The following AHNAK variants were observed in gnomAD, a reference collection of about 807,000 sequenced individuals.
AHNAK encodes neuroblast differentiation-associated protein AHNAK.
AHNAK carries 23 observed loss-of-function variants against 37.8 expected under a neutral mutation model. The ratio of observed to expected loss-of-function variants is 0.61; its 90% CI spans 0.44 to 0.86. The LOEUF (loss-of-function observed/expected upper bound fraction) is 0.86. Among genes scored for constraint, AHNAK ranks in the 40% least tolerant of loss-of-function variants. The probability of loss-of-function intolerance (pLI) is 0.00; values close to 1 mark genes in which losing one functional copy is unlikely to be tolerated. For synonymous variants in AHNAK, 2,481 were observed against 2,636.3 expected (o/e 0.94, Z 1.80); for missense variants, 7,411 against 7,319.4 (o/e 1.01, Z -0.46).
At chr11:62,441,349 T>C (rs1176713799) in intron 5 of AHNAK, among the ~76,000 whole-genome samples, 1 of 151,972 alleles carries the variant, frequency 6.6e-6, no homozygotes, top group Admixed American at 6.5e-5. Context: ...CGTGTACACC[T>C]GTGATCCCAG....
At chr11:62,471,650 A>G (rs1461234479) in intron 5 of AHNAK, among the ~76,000 whole-genome samples, 1 of 152,170 alleles carries the variant, frequency 6.6e-6, no homozygotes. Context: ...CTCAACCTGC[A>G]CTATCACTGT....
In AHNAK at chr11:62,516,289, C is replaced by A. The variant is rs1381119848; in HGVS notation, c.*455G>T. On this transcript the variant is annotated 3_prime_UTR_variant, in exon 5 of 5. Coordinates refer to ENST00000378024, the MANE Select transcript of AHNAK (RefSeq NM_001620.3). ...TTTGCTGTTTGAACAGATCCAGTCT[C>A]AGGAAAGAGGAAGACCTGACCTCCG... 2 of 1,289,346 alleles carry A rather than the reference C, an allele frequency of 1.6e-6. No individual in the cohort carries two copies. The highest frequency in any genetic ancestry group is 2.5e-5 in the South Asian group (2 of 81,022). 79.9% of individuals were successfully genotyped at this position (1,289,346 alleles called of 1,614,324 possible).
intron 5 of AHNAK, among the ~76,000 whole-genome samples, chr11:62,449,022 T>C (rs1403230811): frequency 6.6e-6 from 1 of 152,064 alleles, no homozygotes; most frequent in Non-Finnish European, 1.5e-5. Flanking sequence ...GAGCCGAGAC[T>C]GCGCCACTGC....
rs531205216 is a variant in AHNAK, at chr11:62,484,585, A to T, written c.442+7147T>A. 1.3e-4 allele frequency among the ~76,000 whole-genome samples: 20 copies of T among 152,248 alleles called. No homozygotes were observed. In the South Asian group the frequency reaches 4.1e-3, roughly 32 times the overall value. On this transcript the variant is annotated intron_variant, in intron 5 of 5. Transcript: ENST00000257247. Reference sequence around the variant, plus strand: ...GGATGGAAGCTTGGCTGCCAGATCAAGGAACAGCAAGGAGCCCCTGTGGCC... The same window carrying T: ...GGATGGAAGCTTGGCTGCCAGATCATGGAACAGCAAGGAGCCCCTGTGGCC...
rs1940143425 is a variant in AHNAK at position 62,519,300 on chromosome 11, T to C, written c.15117A>G (p.Lys5039=). Residue 5039 remains lysine, a synonymous_variant, in exon 5 of 5, where the codon AAA becomes AAG. Transcript: ENST00000378024. ...CAGGAACATTCAGGTCAAATCCCTG[T>C]TTTTTGGCCTTAATCTTAGGACCAC... ...HMSGPKIKAK[K]QGFDLNVPGG... 1 of 1,614,152 alleles carries C rather than the reference T, an allele frequency of 6.2e-7. No homozygotes were observed. The highest frequency in any genetic ancestry group is 2.2e-5 in the East Asian group (1 of 44,888).
chr11:62,453,004 C>G (rs1938575032), intron 5 of AHNAK, among the ~76,000 whole-genome samples: 1 of 152,044 alleles, frequency 6.6e-6, no homozygotes, highest in East Asian at 1.9e-4. Flanking sequence ...CAGTGGGCAA[C>G]AGAGCGAGAC....
chr11:62,518,052 G>C lies in AHNAK; in HGVS notation c.16365C>G (p.Asn5455Lys). 1.2e-6 allele frequency: 2 copies of C among 1,614,188 alleles called. No individual in the cohort carries two copies. The highest frequency in any genetic ancestry group is 1.7e-6 in the Non-Finnish European group (2 of 1,180,040). ...PRISAPNVDF[N>K]LEGPKVKGSL... ...TCCCTTTCACTTTTGGTCCTTCCAA[G>C]TTAAAGTCCACATTCGGTGCTGAAA... Residue 5455 changes from asparagine to lysine, a missense_variant, in exon 5 of 5, where the codon AAC becomes AAG. Asn to Lys is a moderately conservative substitution (Grantham distance 94). Coordinates refer to ENST00000378024, the MANE Select transcript of AHNAK (RefSeq NM_001620.3).
Position 62,525,438 on chromosome 11 carries a change from C to T in AHNAK, c.8979G>A (p.Lys2993=), listed in dbSNP as rs1189193654. The T allele has an allele frequency of 1.9e-6, 3 of 1,610,416 alleles. No homozygotes were observed. In the African/African-American group the frequency reaches 4.1e-5, roughly 22 times the overall value. The change falls in exon 5 of 5, where the codon AAG becomes AAA. Residue 2993 remains lysine, a synonymous_variant. Transcript: ENST00000378024. Reference sequence around the variant, plus strand: ...GACCCCTGATGTCAACTTCAGGGCCCTTGAGGTCACCTTCCACTTTGGGCA... The same window carrying T: ...GACCCCTGATGTCAACTTCAGGGCCTTTGAGGTCACCTTCCACTTTGGGCA... The part of the protein sequence containing the change: ...ISLPKVEGDL[K]GPEVDIRGPQ...
At chr11:62,472,562 GC>G (rs1590609847) in intron 5 of AHNAK, among the ~76,000 whole-genome samples, 2 of 151,852 alleles carry the variant, frequency 1.3e-5, no homozygotes, top group Admixed American at 1.3e-4. Flanking sequence ...TCATCATCCA[GC>G]CCTCACCATC....
chr11:62,528,910 G>C lies in AHNAK; in HGVS notation c.5507C>G (p.Ala1836Gly), dbSNP rs1387424244. ...CTTAAACTTGGGCCCTTTCAACTTT[G>C]CATCAGGACACTCCAGATCAACATC... is the stretch of plus-strand genomic sequence containing the variant. The part of the protein sequence containing the change: ...VPDVDLECPD[A>G]KLKGPKFKMP... Residue 1836 changes from alanine to glycine, a missense_variant, in exon 5 of 5, where the codon GCA (alanine) becomes GGA (glycine). By Grantham distance (60) the Ala-to-Gly change is moderately conservative. Coordinates refer to ENST00000378024, the MANE Select transcript of AHNAK (RefSeq NM_001620.3). 5 of 1,613,712 alleles carry C rather than the reference G, an allele frequency of 3.1e-6. No individual in the cohort carries two copies. In the Admixed American group the frequency reaches 8.3e-5, roughly 27 times the overall value.
In AHNAK at chr11:62,525,834, C is replaced by G. The variant is rs778244031; in HGVS notation, c.8583G>C (p.Glu2861Asp). The G allele has an allele frequency of 1.2e-6, 2 of 1,613,942 alleles. No homozygotes were observed. Among genetic ancestry groups the G allele is most frequent in the Non-Finnish European group, 1.7e-6 (2 of 1,179,978 alleles). ...GDVDVTGPKVEGDLKGPEVDL... is the reference protein window; with the variant it reads ...GDVDVTGPKVDGDLKGPEVDL... Reference sequence around the variant, plus strand: ...CAACTTCAGGACCTTTCAGATCTCCCTCTACCTTAGGGCCTGTAACATCCA... The same window carrying G: ...CAACTTCAGGACCTTTCAGATCTCCGTCTACCTTAGGGCCTGTAACATCCA... The change falls in exon 5 of 5, where the codon GAG becomes GAC. Residue 2861 changes from glutamate to aspartate, a missense_variant. Transcript: ENST00000378024.
chr11:62,457,165 A>G (rs1468660256), intron 5 of AHNAK, among the ~76,000 whole-genome samples: 1 of 152,162 alleles, frequency 6.6e-6, no homozygotes, highest in Non-Finnish European at 1.5e-5. Context: ...TCTACTAAAA[A>G]TACAAAAAGT....
chr11:62,468,428 T>C (rs1302889343), intron 5 of AHNAK, among the ~76,000 whole-genome samples: 3 of 151,094 alleles, frequency 2.0e-5, no homozygotes, highest in African/African-American at 2.4e-5. Context: ...AGAGCTAGGG[T>C]TGGGGTGCAT....
rs148996278 is a variant in AHNAK at position 62,524,627 on chromosome 11, C to G, written c.9790G>C (p.Ala3264Pro). 1.2e-6 allele frequency: 2 copies of G among 1,614,166 alleles called. No individual in the cohort carries two copies. The highest frequency in any genetic ancestry group is 1.3e-5 in the African/African-American group (1 of 75,050). ...DIKGPKIDVD[A>P]PDIDIHGPDA... ...GGGCCATGAATGTCAATATCTGGAG[C>G]ATCTACATCTATCTTTGGGCCTTTT... The change falls in exon 5 of 5, where the codon GCT becomes CCT. Residue 3264 changes from alanine (A) to proline (P), a missense_variant. Transcript: ENST00000378024.
Position 62,533,860 on chromosome 11 carries a change from C to T in AHNAK, c.557G>A (p.Arg186Lys), listed in dbSNP as rs764604360. Residue 186 changes from arginine (R) to lysine (K), a missense_variant, in exon 5 of 5, where the codon AGA becomes AAA. Coordinates refer to ENST00000378024, the MANE Select transcript of AHNAK (RefSeq NM_001620.3). Reference protein sequence around the residue: ...SSPEFKIKIPRHELTEISNVD... With the variant: ...SSPEFKIKIPKHELTEISNVD... ...ATTGGAGATTTCAGTCAGTTCATGT[C>T]TTGGAATCTTGATCTTGAATTCAGG... 1.2e-6 allele frequency: 2 copies of T among 1,614,210 alleles called. No individual in the cohort carries two copies. The highest frequency in any genetic ancestry group is 3.3e-5 in the Admixed American group (2 of 60,026).
chr11:62,444,312 C>T (rs1187096218), intron 5 of AHNAK, among the ~76,000 whole-genome samples: 1 of 152,248 alleles, frequency 6.6e-6, no homozygotes, highest in African/African-American at 2.4e-5. Flanking sequence ...GAATCAAACA[C>T]CACCGGCCCT....
intron 5 of AHNAK, among the ~76,000 whole-genome samples, chr11:62,458,069 A>C (rs567691087): frequency 6.8e-6 from 1 of 146,120 alleles, no homozygotes; most frequent in Admixed American, 6.8e-5. Flanking sequence ...GCCCGGCAAC[A>C]TGCCTGTCTA....
In AHNAK at chr11:62,517,475, G is replaced by C. The variant is rs1940059977; in HGVS notation, c.16942C>G (p.His5648Asp). The change falls in exon 5 of 5, where the codon CAC becomes GAC. Residue 5648 changes from histidine to aspartate, a missense_variant. Physicochemically the swap from His to Asp is moderately conservative, Grantham distance 81 (BLOSUM62 -1). Transcript: ENST00000378024. ...PGLSVSGPQG[H>D]LESGSGKVTF... The stretch of plus-strand genomic sequence containing the variant: ...ACTTTTCCAGATCCACTTTCCAAGT[G>C]ACCTTGAGGCCCAGACACACTCAGC... 1 of 1,614,086 alleles carries C rather than the reference G, an allele frequency of 6.2e-7. No homozygotes were observed.
Position 62,521,108 on chromosome 11 carries a change from C to A in AHNAK, c.13309G>T (p.Gly4437Cys). 3 of 1,614,022 alleles carry A rather than the reference C, an allele frequency of 1.9e-6. No homozygotes were observed. Among genetic ancestry groups the A allele is most frequent in the Non-Finnish European group, 2.5e-6 (3 of 1,180,006 alleles). Reference protein sequence around the residue: ...DIDTPDVNIEGPEGKLKGPKF... With the variant: ...DIDTPDVNIECPEGKLKGPKF... Reference sequence around the variant, plus strand: ...GGCCCCTTCAATTTTCCTTCCGGACCTTCAATATTGACATCAGGTGTGTCA... The same window carrying A: ...GGCCCCTTCAATTTTCCTTCCGGACATTCAATATTGACATCAGGTGTGTCA... Residue 4437 changes from glycine to cysteine, a missense_variant, in exon 5 of 5, where the codon GGT becomes TGT. Gly to Cys is a radical substitution (Grantham distance 159). Coordinates refer to ENST00000378024, the MANE Select transcript of AHNAK (RefSeq NM_001620.3).
Sources: allele counts gnomAD v4.1 joint callset (sites outside exome capture counted in the v4.1 genomes callset), GRCh38; gene constraint gnomAD v4.1.1; transcripts MANE v1.5; gene names NCBI Gene and HGNC (gene_info 2026-07-23, HGNC 2026-07-21).